Variants in GNAL observed in about 807,000 individuals in gnomAD.
The protein encoded by GNAL is G protein subunit alpha L.
A neutral mutation model predicts 55.1 loss-of-function variants in GNAL; 18 were observed. The ratio of observed to expected loss-of-function variants is 0.33; its 90% CI spans 0.23 to 0.48. The LOEUF (loss-of-function observed/expected upper bound fraction) is 0.48, where lower values mean the gene tolerates loss of function less well. GNAL is among the 20% of genes least tolerant of loss of function. The probability of loss-of-function intolerance (pLI) is 0.99; values close to 1 mark genes in which losing one functional copy is unlikely to be tolerated. For missense variants in GNAL, 412 were observed against 614.1 expected (o/e 0.67, Z 3.48); for synonymous variants, 253 against 237.0 (o/e 1.07, Z -0.62).
chr18:11,837,058 A>G (rs2035513093), intron 5 of GNAL, among the ~76,000 whole-genome samples: 1 of 152,186 alleles, frequency 6.6e-6, no homozygotes, highest in East Asian at 1.9e-4. Context: ...GGTTCAAGCT[A>G]TTCTCCTGCC....
At chr18:11,819,456 A>G (rs2035038783) in intron 4 of GNAL, among the ~76,000 whole-genome samples, 1 of 152,172 alleles carries the variant, frequency 6.6e-6, no homozygotes, top group African/African-American at 2.4e-5. Context: ...GCTTTTAAAA[A>G]ATAGGTTTAA....
At chr18:11,720,192 GT>G (rs1167725119) in intron 1 of GNAL, among the ~76,000 whole-genome samples, 2 of 152,158 alleles carry the variant, frequency 1.3e-5, no homozygotes, top group East Asian at 3.8e-4. Flanking sequence ...AGGATGAATA[GT>G]TTAGGTTTTA....
intron 6 of GNAL, 74 bp from the exon 7 acceptor site, chr18:11,864,459 A>G (rs141387440): frequency 2.4e-5 from 19 of 804,472 alleles, no homozygotes; most frequent in Middle Eastern, 4.6e-4. Context: ...TTGATGAGGT[A>G]TAGTTATACC....
Position 11,884,189 on chromosome 18 carries a change from A to AGAT in GNAL, c.*3056_*3058dup, listed in dbSNP as rs2144001409. ...CATTAATAGCATTTACATACTGTAC[A>AGAT]GATGCAACCTTTGATGATACATATA... On this transcript the variant is annotated 3_prime_UTR_variant, in exon 12 of 12. Coordinates refer to ENST00000334049, the MANE Select transcript of GNAL (RefSeq NM_182978.4). The AGAT allele has an allele frequency of 2.2e-6, 1 of 454,234 alleles. No individual in the cohort carries two copies. Among genetic ancestry groups the AGAT allele is most frequent in the African/African-American group, 2.0e-5 (1 of 51,250 alleles). 28.1% of individuals were successfully genotyped at this position (454,234 alleles called of 1,614,324 possible). A position where few individuals can be genotyped will look rare whatever the true frequency, so the allele number is the denominator to read the frequency against.
chr18:11,850,773 A>G (rs1194663355), intron 5 of GNAL, among the ~76,000 whole-genome samples: 1 of 152,252 alleles, frequency 6.6e-6, no homozygotes, highest in Non-Finnish European at 1.5e-5. Context: ...CAACTCACCT[A>G]GAAGCTGAAC....
chr18:11,710,862 T>C (rs1368633813), intron 1 of GNAL, among the ~76,000 whole-genome samples: 1 of 152,124 alleles, frequency 6.6e-6, no homozygotes, highest in Admixed American at 6.5e-5. Context: ...AATGTCTCAG[T>C]ATGAACTGTT....
chr18:11,864,388 C>T (rs1157301108), intron 6 of GNAL, 145 bp from the exon 7 acceptor site: 12 of 656,432 alleles, frequency 1.8e-5, no homozygotes, highest in South Asian at 3.2e-5. Flanking sequence ...TCACCATGCT[C>T]GGCCAATGTT....
chr18:11,756,479 C>G (rs2143136869), intron 4 of GNAL, among the ~76,000 whole-genome samples: 1 of 151,744 alleles, frequency 6.6e-6, no homozygotes, highest in African/African-American at 2.4e-5. Flanking sequence ...ATTCTGTTGT[C>G]TTAAATGTCT....
At chr18:11,850,294 C>T (rs1015719102) in intron 5 of GNAL, among the ~76,000 whole-genome samples, 3 of 152,178 alleles carry the variant, frequency 2.0e-5, no homozygotes, top group African/African-American at 4.8e-5. Flanking sequence ...AACATCAGAG[C>T]TATGTCTTCA....
At chr18:11,710,757 C>T (rs1169176866) in intron 1 of GNAL, among the ~76,000 whole-genome samples, 1 of 152,160 alleles carries the variant, frequency 6.6e-6, no homozygotes, top group African/African-American at 2.4e-5. Flanking sequence ...GCTAAGAAAT[C>T]TGCCAATAGT....
intron 5 of GNAL, among the ~76,000 whole-genome samples, chr18:11,833,094 C>T (rs569179230): frequency 2.0e-5 from 3 of 150,396 alleles, no homozygotes; most frequent in Non-Finnish European, 3.0e-5. Flanking sequence ...TGCAGTGGCG[C>T]GATCTCCACT....
intron 1 of GNAL, chr18:11,747,407 C>T (rs1287712146): frequency 5.7e-6 from 1 of 175,812 alleles, no homozygotes; most frequent in Non-Finnish European, 1.2e-5. Flanking sequence ...CCAGAAATTT[C>T]CCTTCAATAT....
rs919577351 is a variant in GNAL, at chr18:11,752,763, G to C, written c.377-90G>C. ...CCGCGTGTAGGAAATCCCCGTGCTG[G>C]GGGAGGAGGATTGCTCAGACCCGGC... is the stretch of plus-strand genomic sequence containing the variant. On this transcript the variant is annotated intron_variant, in intron 1 of 11. Transcript: ENST00000334049. The surrounding 1 kb of genome is among the most constrained non-coding windows in gnomAD (Gnocchi z 4.5). The C allele has an allele frequency of 1.7e-6, 2 of 1,154,194 alleles. No homozygotes were observed. The highest frequency in any genetic ancestry group is 2.6e-6 in the Non-Finnish European group (2 of 774,282). The allele number at this position is 1,154,194 out of a possible 1,614,324, so 71.5% of individuals were successfully genotyped here.
At chr18:11,755,285 GTTTGTTTGTTTT>G (rs200584204) in intron 4 of GNAL, among the ~76,000 whole-genome samples, 1,659 of 152,154 alleles carry the variant, frequency 0.011, 39 homozygotes, top group African/African-American at 0.037. Flanking sequence ...TCGTTTGTTT[GTTTGTTTGTTTT>G]GAGATGGAGT....
intron 4 of GNAL, among the ~76,000 whole-genome samples, chr18:11,760,643 G>A (rs2033209115): frequency 6.6e-6 from 1 of 152,172 alleles, no homozygotes; most frequent in Non-Finnish European, 1.5e-5. Flanking sequence ...GGGTCTTTGG[G>A]CTTGGCGCTT....
rs149296194 is a variant in GNAL, at chr18:11,762,889, C to G, written c.624+8944C>G. Among the ~76,000 whole-genome samples, 1,219 of 152,274 alleles carry G rather than the reference C, an allele frequency of 8.0e-3. 16 individuals are homozygous for G. The highest frequency in any genetic ancestry group is 0.027 in the African/African-American group (1,136 of 41,546). On this transcript the variant is annotated intron_variant, in intron 4 of 11. Transcript: ENST00000334049. The stretch of plus-strand genomic sequence containing the variant: ...CTGTACCAGAAACCTGCTTCCAGGT[C>G]TCACATGGCTTATGTCATGATATTA...
chr18:11,701,561 C>CA (rs36089846), intron 1 of GNAL, among the ~76,000 whole-genome samples: 9,373 of 55,982 alleles, frequency 0.17, 509 homozygotes, highest in Middle Eastern at 0.28. Context: ...GCAAGAATCT[C>CA]AAAAAAAAAA....
chr18:11,734,294 C>G (rs962804237), intron 1 of GNAL, among the ~76,000 whole-genome samples: 2 of 151,928 alleles, frequency 1.3e-5, no homozygotes, highest in Non-Finnish European at 2.9e-5. Context: ...AGGCGTGCAC[C>G]ACCACGCCCA....
At chr18:11,795,560 G>T (rs949065805) in intron 4 of GNAL, among the ~76,000 whole-genome samples, 1 of 152,180 alleles carries the variant, frequency 6.6e-6, no homozygotes, top group Non-Finnish European at 1.5e-5. Context: ...TAAGGATGGC[G>T]ACAGAAGAGC....
Sources: allele counts gnomAD v4.1 joint callset (sites outside exome capture counted in the v4.1 genomes callset), GRCh38; gene constraint gnomAD v4.1.1; non-coding constraint Gnocchi (gnomAD v3.1); transcripts MANE v1.5; gene names NCBI Gene and HGNC (gene_info 2026-07-23, HGNC 2026-07-21).